The following SNAP91 variants were observed in gnomAD, a reference collection of about 807,000 sequenced individuals.
The protein encoded by SNAP91 is synaptosome associated protein 91, also known as clathrin coat assembly protein AP180.
A neutral mutation model predicts 100.3 loss-of-function variants in SNAP91; 27 were observed. The observed-to-expected ratio is 0.27, with a 90% CI of 0.20 to 0.37. SNAP91 has a LOEUF of 0.37. SNAP91 is among the 10% of genes least tolerant of loss of function. SNAP91 has a pLI of 1.00. For synonymous variants in SNAP91, 404 were observed against 398.6 expected (o/e 1.01, Z -0.16); for missense variants, 986 against 1,123.7 (o/e 0.88, Z 1.75).
Position 83,707,900 on chromosome 6 carries a change from T to C in SNAP91, c.28A>G (p.Ile10Val). The C allele has an allele frequency of 6.3e-7, 1 of 1,594,022 alleles. No homozygotes were observed. The highest frequency in any genetic ancestry group is 8.5e-7 in the Non-Finnish European group (1 of 1,173,388). ...GTAACGCTGTACTGAGCGGCGGCGA[T>C]CCGATCCGTGAGCGTTTGGCCCGAC... MSGQTLTDR[I>V]AAAQYSVTGS... Residue 10 changes from isoleucine (I) to valine (V), a missense_variant, in exon 2 of 30, where the codon ATC becomes GTC. By Grantham distance (29) the Ile-to-Val change is conservative. Coordinates refer to ENST00000369694, the MANE Select transcript of SNAP91 (RefSeq NM_001242792.2).
At chr6:83,687,712 G>T (rs2128961571) in intron 2 of SNAP91, among the ~76,000 whole-genome samples, 1 of 152,312 alleles carries the variant, frequency 6.6e-6, no homozygotes, top group South Asian at 2.1e-4. Context: ...AAGGACAGAA[G>T]CAGAATCAGG....
intron 9 of SNAP91, among the ~76,000 whole-genome samples, chr6:83,618,919 G>A (rs1444979530): frequency 6.6e-6 from 1 of 151,838 alleles, no homozygotes; most frequent in Non-Finnish European, 1.5e-5. Flanking sequence ...GCTATTTTTA[G>A]TCACAAAATA....
At chr6:83,693,271 A>G (rs1587861882) in intron 2 of SNAP91, among the ~76,000 whole-genome samples, 1 of 152,170 alleles carries the variant, frequency 6.6e-6, no homozygotes, top group African/African-American at 2.4e-5. Flanking sequence ...TGGGAATAAG[A>G]GTATTTAACT....
rs183985515 is a variant in SNAP91, at chr6:83,626,768, T to C, written c.766-3426A>G. ...GGTCTAGGAGTTTTTTGATGGAATC[T>C]TGAGGATTTTCTAGGTGTAGAATCA... On this transcript the variant is annotated intron_variant, in intron 8 of 29. Transcript: ENST00000369694. Among the ~76,000 whole-genome samples, 240 of 152,218 alleles carry C rather than the reference T, an allele frequency of 1.6e-3. 1 individual carries two copies. Among genetic ancestry groups the C allele is most frequent in the Admixed American group, 4.1e-3 (63 of 15,254 alleles).
intron 2 of SNAP91, among the ~76,000 whole-genome samples, chr6:83,696,995 TA>T (rs1304042266): frequency 2.0e-5 from 3 of 152,124 alleles, no homozygotes; most frequent in Admixed American, 6.6e-5. Context: ...AGTAGGTCAT[TA>T]AAAATAAAAT....
At chr6:83,666,851 T>A (rs1247525340) in intron 2 of SNAP91, among the ~76,000 whole-genome samples, 2 of 152,052 alleles carry the variant, frequency 1.3e-5, no homozygotes, top group African/African-American at 4.8e-5. Context: ...TCAAATGCAG[T>A]CCCATGTGGC....
At chr6:83,600,359 C>A (rs115528075) in intron 16 of SNAP91, among the ~76,000 whole-genome samples, 4,000 of 152,252 alleles carry the variant, frequency 0.026, 176 homozygotes, top group African/African-American at 0.088. Flanking sequence ...CCTGCCAAAT[C>A]TCTCTTGCTT....
chr6:83,667,407 T>C (rs1385567997), intron 2 of SNAP91, among the ~76,000 whole-genome samples: 1 of 152,024 alleles, frequency 6.6e-6, no homozygotes. Context: ...TGCAAACAGG[T>C]TGATTACAGA....
At chr6:83,708,199 G>T in intron 1 of SNAP91, 1 of 426,650 alleles carries the variant, frequency 2.3e-6, no homozygotes, top group South Asian at 3.6e-5. Flanking sequence ...TCGTGACACC[G>T]TCCCCATTCT....
chr6:83,564,204 A>G (rs1188323995), intron 26 of SNAP91, among the ~76,000 whole-genome samples: 1 of 152,138 alleles, frequency 6.6e-6, no homozygotes, highest in Non-Finnish European at 1.5e-5. Context: ...CCATACCTCT[A>G]TGGTTAATTT....
chr6:83,571,106 A>T (rs1237439027), intron 26 of SNAP91, among the ~76,000 whole-genome samples: 1 of 144,980 alleles, frequency 6.9e-6, no homozygotes. Flanking sequence ...ATGGGCGCCC[A>T]CCTCTTTTTT....
chr6:83,564,457 G>A (rs1281162622), intron 26 of SNAP91, among the ~76,000 whole-genome samples: 1 of 151,394 alleles, frequency 6.6e-6, no homozygotes, highest in Non-Finnish European at 1.5e-5. Context: ...CTACTTCCCT[G>A]GATCAAGCAA....
At chr6:83,575,206 T>C (rs1292709600) in intron 25 of SNAP91, 85 bp from the exon 26 acceptor site, 7 of 961,556 alleles carry the variant, frequency 7.3e-6, no homozygotes, top group Non-Finnish European at 1.1e-5. Context: ...GATTATTTTA[T>C]TTGGGTTTAA....
At position 83,560,115 on chromosome 6, in the gene SNAP91, G is replaced by A. The variant is rs1447081984; in HGVS notation, c.2620C>T (p.Pro874Ser). The A allele has an allele frequency of 1.9e-6, 3 of 1,613,534 alleles. No individual in the cohort carries two copies. The highest frequency in any genetic ancestry group is 3.3e-5 in the Admixed American group (2 of 59,964). The change falls in exon 28 of 30, where the codon CCT becomes TCT. Residue 874 changes from proline (P) to serine (S), a missense_variant. By Grantham distance (74) the Pro-to-Ser change is moderately conservative (BLOSUM62 -1). Transcript: ENST00000369694. ...MRPPFGAAAVPGTQLSPSPTP... is the reference protein window; with the variant it reads ...MRPPFGAAAVSGTQLSPSPTP... ...TTGAAGAAACTGACCTGCGTGCCAG[G>A]TACAGCGGCAGCTCCAAAGGGGGGC...
At chr6:83,606,460 T>C (rs1583415365) in intron 13 of SNAP91, among the ~76,000 whole-genome samples, 1 of 152,342 alleles carries the variant, frequency 6.6e-6, no homozygotes, top group East Asian at 1.9e-4. Flanking sequence ...GCCTTACTAT[T>C]CAAAGTATAG....
intron 9 of SNAP91, among the ~76,000 whole-genome samples, chr6:83,622,648 G>A (rs1421405144): frequency 6.6e-6 from 1 of 151,112 alleles, no homozygotes; most frequent in African/African-American, 2.5e-5. Context: ...TATGAGAAAG[G>A]TTATACTATA....
At chr6:83,691,032 T>C (rs2099124283) in intron 2 of SNAP91, among the ~76,000 whole-genome samples, 1 of 152,046 alleles carries the variant, frequency 6.6e-6, no homozygotes. Context: ...TTTGCCCTTT[T>C]CACACTCTTA....
Position 83,703,710 on chromosome 6 carries a change from A to T in SNAP91, c.130+4088T>A, listed in dbSNP as rs561332231. Among the ~76,000 whole-genome samples, 8 of 152,262 alleles carry T rather than the reference A, an allele frequency of 5.3e-5. No individual in the cohort carries two copies. In the South Asian group the frequency reaches 1.7e-3, roughly 32 times the overall value. On this transcript the variant is annotated intron_variant, in intron 2 of 29. Transcript: ENST00000369694. Reference sequence around the variant, plus strand: ...TTAGTAAAATTCTAGTATCTCTCAAACATCAGATTCAGAACTTGAAGCACT... The same window carrying T: ...TTAGTAAAATTCTAGTATCTCTCAATCATCAGATTCAGAACTTGAAGCACT...
At chr6:83,609,131 C>T (rs185041622) in intron 12 of SNAP91, among the ~76,000 whole-genome samples, 1 of 152,110 alleles carries the variant, frequency 6.6e-6, no homozygotes, top group African/African-American at 2.4e-5. Flanking sequence ...TGAAACTCTA[C>T]AGAAGCCCAT....
Sources: allele counts gnomAD v4.1 joint callset (sites outside exome capture counted in the v4.1 genomes callset), GRCh38; gene constraint gnomAD v4.1.1; transcripts MANE v1.5; gene names NCBI Gene and HGNC (gene_info 2026-07-23, HGNC 2026-07-21).